Variants in DAZAP2 observed in about 807,000 individuals in gnomAD.
DAZAP2 encodes DAZ-associated protein 2.
A neutral mutation model predicts 16.2 loss-of-function variants in DAZAP2; 3 were observed. The ratio of observed to expected loss-of-function variants is 0.19; its 90% CI spans 0.08 to 0.48. The LOEUF is 0.48. DAZAP2 is among the 20% of genes least tolerant of loss of function. The probability of loss-of-function intolerance (pLI) is 0.98; values close to 1 mark genes in which losing one functional copy is unlikely to be tolerated. For missense variants in DAZAP2, 172 were observed against 215.9 expected (o/e 0.80, Z 1.27); for synonymous variants, 69 against 77.6 (o/e 0.89, Z 0.58).
chr12:51,238,871 G>A lies in DAZAP2; in HGVS notation c.-37G>A. The A allele has an allele frequency of 1.2e-6, 2 of 1,612,862 alleles. No individual in the cohort carries two copies. The highest frequency in any genetic ancestry group is 1.7e-6 in the Non-Finnish European group (2 of 1,179,830). On this transcript the variant is annotated 5_prime_UTR_variant, in exon 1 of 4. Transcript: ENST00000412716. Reference sequence around the variant, plus strand: ...CAGGAAGAGGACGAAAAAAATAACCGTCCGCGACGCCGAGACAAACCGGAC... The same window carrying A: ...CAGGAAGAGGACGAAAAAAATAACCATCCGCGACGCCGAGACAAACCGGAC...
chr12:51,245,771 T>G, downstream of DAZAP2: 1 of 661,182 alleles, frequency 1.5e-6, no homozygotes, highest in Non-Finnish European at 2.6e-6. Flanking sequence ...TCCATGTCCC[T>G]GGTCCCTGGA....
chr12:51,240,201 G>T, intron 1 of DAZAP2, 142 bp from the exon 2 acceptor site: 1 of 690,400 alleles, frequency 1.4e-6, no homozygotes. Context: ...TATTTTCTTA[G>T]TTCCAGGAAT....
At position 51,243,675 on chromosome 12, in the gene DAZAP2, T is replaced by C; in HGVS notation, c.*1217T>C. 6.1e-6 allele frequency: 6 copies of C among 985,846 alleles called. No individual in the cohort carries two copies. Among genetic ancestry groups the C allele is most frequent in the Non-Finnish European group, 7.2e-6 (6 of 829,888 alleles). The allele number at this position is 985,846 out of a possible 1,614,324, so 61.1% of individuals were successfully genotyped here. Reference sequence around the variant, plus strand: ...ATTGACTGTTATGGAAGTTCAGCGTTGTATGTCTCTCTCTACACTGTGGTG... The same window carrying C: ...ATTGACTGTTATGGAAGTTCAGCGTCGTATGTCTCTCTCTACACTGTGGTG... On this transcript the variant is annotated 3_prime_UTR_variant, in exon 4 of 4. Coordinates refer to ENST00000412716, the MANE Select transcript of DAZAP2 (RefSeq NM_014764.4).
At chr12:51,244,000 C>G (rs879348807), downstream of DAZAP2, 5 of 906,424 alleles carry the variant, frequency 5.5e-6, no homozygotes, top group Non-Finnish European at 6.6e-6. Context: ...CAACCTCTTA[C>G]AAATTTTGGA....
At position 51,238,854 on chromosome 12, in the gene DAZAP2, G is replaced by C. The variant is rs1170275513; in HGVS notation, c.-54G>C. On this transcript the variant is annotated 5_prime_UTR_variant, in exon 1 of 4. Transcript: ENST00000412716. ...ACGGAAGTAGCTCCGAACAGGAAGA[G>C]GACGAAAAAAATAACCGTCCGCGAC... The C allele has an allele frequency of 3.7e-6, 6 of 1,612,222 alleles. No homozygotes were observed. The highest frequency in any genetic ancestry group is 5.1e-6 in the Non-Finnish European group (6 of 1,179,730).
rs758186736 is a variant in DAZAP2 at position 51,242,449 on chromosome 12, C to T, written c.498C>T (p.Thr166=). 2 of 1,614,102 alleles carry T rather than the reference C, an allele frequency of 1.2e-6. No homozygotes were observed. The highest frequency in any genetic ancestry group is 1.1e-5 in the South Asian group (1 of 91,074). Residue 166 remains threonine (T), a synonymous_variant, in exon 4 of 4, where the codon ACC becomes ACT. Coordinates refer to ENST00000412716, the MANE Select transcript of DAZAP2 (RefSeq NM_014764.4). ...TGGGTGGTTCAGATGGTGGCTACAC[C>T]ATCTGGTGAGGAACCAAGGCCACCT... ...FFMGGSDGGY[T]IW
rs1944703865 is a variant in DAZAP2 at position 51,242,878 on chromosome 12, T to C, written c.*420T>C. ...TCTCCTTTAAGTCTTTGATATATAT[T>C]ACTTGTTATAAATGGAACGCATTAG... On this transcript the variant is annotated 3_prime_UTR_variant, in exon 4 of 4. Transcript: ENST00000412716. 4 of 1,297,368 alleles carry C rather than the reference T, an allele frequency of 3.1e-6. No homozygotes were observed. The highest frequency in any genetic ancestry group is 3.9e-6 in the Non-Finnish European group (4 of 1,024,452). The allele number at this position is 1,297,368 out of a possible 1,614,324, so 80.4% of individuals were successfully genotyped here.
rs1325557293 is a variant in DAZAP2 at position 51,242,383 on chromosome 12, A to G, written c.432A>G (p.Gly144=). Residue 144 remains glycine (G), a synonymous_variant, in exon 4 of 4, where the codon GGA becomes GGG. Coordinates refer to ENST00000412716, the MANE Select transcript of DAZAP2 (RefSeq NM_014764.4). ...PNAAQLAVMQ[G]ANVLVTQRKG... is the part of the protein sequence containing the mutation. ...CTGCTCAGCTTGCAGTCATGCAGGGAGCCAACGTCCTCGTAACTCAGCGGA... is the reference window on the plus strand; with the variant it reads ...CTGCTCAGCTTGCAGTCATGCAGGGGGCCAACGTCCTCGTAACTCAGCGGA... 1 of 1,613,696 alleles carries G rather than the reference A, an allele frequency of 6.2e-7. No individual in the cohort carries two copies. The highest frequency in any genetic ancestry group is 1.7e-5 in the Admixed American group (1 of 59,966).
At chr12:51,244,873 G>A (rs1288743256), downstream of DAZAP2, 2 of 132,424 alleles carry the variant, frequency 1.5e-5, no homozygotes, top group African/African-American at 5.7e-5. Flanking sequence ...TGCCCAGGCT[G>A]GAGTATAGTG....
downstream of DAZAP2, chr12:51,244,578 T>C (rs1944739364): frequency 6.6e-6 from 1 of 152,254 alleles, no homozygotes; most frequent in Non-Finnish European, 1.5e-5. Flanking sequence ...AAAGGAGATC[T>C]AGCTTTAATT....
Position 51,242,574 on chromosome 12 carries a change from G to A in DAZAP2, c.*116G>A. Reference sequence around the variant, plus strand: ...TGCAGTTTAGACACATGTTGTTGGGGTGTCTTTCTGGTGCCCAAACTTTCA... The same window carrying A: ...TGCAGTTTAGACACATGTTGTTGGGATGTCTTTCTGGTGCCCAAACTTTCA... On this transcript the variant is annotated 3_prime_UTR_variant, in exon 4 of 4. Transcript: ENST00000412716. 2 of 1,609,788 alleles carry A rather than the reference G, an allele frequency of 1.2e-6. No individual in the cohort carries two copies. The highest frequency in any genetic ancestry group is 1.7e-6 in the Non-Finnish European group (2 of 1,178,284).
At position 51,242,516 on chromosome 12, in the gene DAZAP2, A is replaced by G. The variant is rs776209061; in HGVS notation, c.*58A>G. On this transcript the variant is annotated 3_prime_UTR_variant, in exon 4 of 4. Transcript: ENST00000412716. ...ATCACATACCTTCAGCACTTCTCAC[A>G]ATGTAACTGCTTTAGTCATATTAAC... is the stretch of plus-strand genomic sequence containing the variant. 5.0e-6 allele frequency: 8 copies of G among 1,613,444 alleles called. No homozygotes were observed. In the Admixed American group the frequency reaches 1.2e-4, roughly 24 times the overall value.
Position 51,238,847 on chromosome 12 carries a change from A to G in DAZAP2, c.-61A>G, listed in dbSNP as rs910828479. 2 of 1,611,682 alleles carry G rather than the reference A, an allele frequency of 1.2e-6. No individual in the cohort carries two copies. Among genetic ancestry groups the G allele is most frequent in the East Asian group, 4.5e-5 (2 of 44,866 alleles). ...ATGTGACACGGAAGTAGCTCCGAAC[A>G]GGAAGAGGACGAAAAAAATAACCGT... On this transcript the variant is annotated 5_prime_UTR_variant, in exon 1 of 4. Coordinates refer to ENST00000412716, the MANE Select transcript of DAZAP2 (RefSeq NM_014764.4).
intron 1 of DAZAP2, chr12:51,240,037 C>G: frequency 2.8e-6 from 1 of 359,226 alleles, no homozygotes; most frequent in South Asian, 3.3e-5. Flanking sequence ...CAGCAGCAGG[C>G]CAGAACCCCA....
chr12:51,245,816 C>T (rs1944760551), downstream of DAZAP2: 1 of 1,126,136 alleles, frequency 8.9e-7, no homozygotes, highest in Non-Finnish European at 1.2e-6. Context: ...TGCGACCTGG[C>T]TGGAGCTTGG....
Position 51,242,750 on chromosome 12 carries a change from A to C in DAZAP2, c.*292A>C, listed in dbSNP as rs1944701430. The C allele has an allele frequency of 5.6e-6, 8 of 1,424,930 alleles. No homozygotes were observed. Among genetic ancestry groups the C allele is most frequent in the Non-Finnish European group, 7.3e-6 (8 of 1,093,442 alleles). 88.3% of individuals were successfully genotyped at this position (1,424,930 alleles called of 1,614,324 possible). A position where few individuals can be genotyped will look rare whatever the true frequency, so the allele number is the denominator to read the frequency against. The stretch of plus-strand genomic sequence containing the variant: ...AATTTCTCTGGAGTAATACTGTACC[A>C]TACTGGTCTTTGCTTTTAGTAATAA... On this transcript the variant is annotated 3_prime_UTR_variant, in exon 4 of 4. Coordinates refer to ENST00000412716, the MANE Select transcript of DAZAP2 (RefSeq NM_014764.4).
At chr12:51,244,291 G>A (rs1944734987), downstream of DAZAP2, among the ~76,000 whole-genome samples, 1 of 152,170 alleles carries the variant, frequency 6.6e-6, no homozygotes, top group African/African-American at 2.4e-5. Flanking sequence ...CCACCTCCCG[G>A]GTTCAAGTGA....
intron 1 of DAZAP2, chr12:51,239,164 G>A (rs1036042521): frequency 1.8e-6 from 1 of 542,942 alleles, no homozygotes; most frequent in Non-Finnish European, 3.2e-6. Flanking sequence ...CTCGGGTGGT[G>A]GGGGGGCTTG....
At chr12:51,245,287 A>T (rs1944751770), downstream of DAZAP2, 1 of 152,512 alleles carries the variant, frequency 6.6e-6, no homozygotes, top group South Asian at 2.1e-4. Context: ...GGAAAAGAAA[A>T]TGTCAAAAAT....
Sources: gnomAD v4.1 joint callset for allele counts (sites outside exome capture counted in the v4.1 genomes callset) on GRCh38, gnomAD v4.1.1 for gene constraint, MANE v1.5 for transcripts, NCBI Gene and HGNC (gene_info 2026-07-23, HGNC 2026-07-21) for gene names.